Variants in TRAPPC9 observed in about 807,000 individuals in gnomAD.
TRAPPC9 encodes trafficking protein particle complex subunit 9.
A neutral mutation model predicts 124.0 loss-of-function variants in TRAPPC9; 83 were observed. That is an observed-to-expected ratio of 0.67 (90% CI 0.56 to 0.80). TRAPPC9 has a LOEUF of 0.80. TRAPPC9 is among the 30% of genes least tolerant of loss of function. TRAPPC9 has a pLI of 0.00. For synonymous variants in TRAPPC9, 638 were observed against 617.5 expected, an observed-to-expected ratio of 1.03 and a Z score of -0.49; for missense variants, 1,302 against 1,508.3, an observed-to-expected ratio of 0.86 and a Z score of 2.27.
At chr8:140,109,999 A>G (rs1466154484) in intron 17 of TRAPPC9, among the ~76,000 whole-genome samples, 1 of 152,100 alleles carries the variant, frequency 6.6e-6, no homozygotes, top group Non-Finnish European at 1.5e-5. Flanking sequence ...CTGTGTTCCA[A>G]GAGACAGACT....
chr8:140,291,150 T>A (rs753140872), intron 11 of TRAPPC9, 72 bp from the exon 12 acceptor site: 1 of 1,389,634 alleles, frequency 7.2e-7, no homozygotes, highest in South Asian at 1.2e-5. Flanking sequence ...TGGTTTCCAA[T>A]TATTCCTCTG....
At chr8:139,806,727 G>A (rs1367281316) in intron 21 of TRAPPC9, among the ~76,000 whole-genome samples, 3 of 152,238 alleles carry the variant, frequency 2.0e-5, no homozygotes, top group Non-Finnish European at 1.5e-5. Context: ...GTTGCTGGCA[G>A]TTAAGAACCC....
At chr8:140,070,954 G>T (rs527643743) in intron 17 of TRAPPC9, among the ~76,000 whole-genome samples, 1 of 152,202 alleles carries the variant, frequency 6.6e-6, no homozygotes, top group Non-Finnish European at 1.5e-5. Context: ...GAGGGACGGG[G>T]GGCCCAGGCC....
intron 17 of TRAPPC9, among the ~76,000 whole-genome samples, chr8:140,149,752 C>T (rs1346080504): frequency 1.3e-5 from 2 of 152,188 alleles, no homozygotes; most frequent in Admixed American, 6.5e-5. Context: ...TCATCATCCA[C>T]GGTTCCAGGC....
intron 17 of TRAPPC9, among the ~76,000 whole-genome samples, chr8:140,128,658 C>T (rs887280153): frequency 1.2e-4 from 19 of 152,204 alleles, no homozygotes; most frequent in Non-Finnish European, 8.8e-5. Flanking sequence ...ATCAGTGCTA[C>T]ACTTTTCAAG....
chr8:140,267,746 A>G (rs1048859840), intron 15 of TRAPPC9, among the ~76,000 whole-genome samples: 1 of 152,176 alleles, frequency 6.6e-6, no homozygotes, highest in African/African-American at 2.4e-5. Context: ...AGCTCACAGC[A>G]ACCTCTGCCT....
At chr8:140,074,832 C>G (rs1459674435) in intron 17 of TRAPPC9, among the ~76,000 whole-genome samples, 1 of 152,162 alleles carries the variant, frequency 6.6e-6, no homozygotes. Flanking sequence ...AGGAAGGGGT[C>G]AGAGGGCAGG....
intron 9 of TRAPPC9, among the ~76,000 whole-genome samples, chr8:140,354,564 T>G (rs1201013160): frequency 6.6e-6 from 1 of 152,188 alleles, no homozygotes; most frequent in African/African-American, 2.4e-5. Context: ...GATGCTGTCT[T>G]CAACTGCACA....
chr8:140,413,597 T>G (rs1275906226), intron 5 of TRAPPC9, among the ~76,000 whole-genome samples: 1 of 149,890 alleles, frequency 6.7e-6, no homozygotes, highest in Non-Finnish European at 1.5e-5. Flanking sequence ...GCCATGCTGG[T>G]GTACTGCACC....
intron 2 of TRAPPC9, among the ~76,000 whole-genome samples, chr8:140,444,069 G>T (rs1249171597): frequency 1.4e-5 from 2 of 147,344 alleles, no homozygotes. Context: ...AAGATTAGCC[G>T]GGCATGGTGG....
intron 21 of TRAPPC9, among the ~76,000 whole-genome samples, chr8:139,809,961 G>T (rs1392564864): frequency 6.6e-6 from 1 of 152,162 alleles, no homozygotes; most frequent in Non-Finnish European, 1.5e-5. Context: ...AGGTGCTAGA[G>T]GCACATCTGG....
chr8:140,213,435 A>G lies in TRAPPC9; in HGVS notation c.2556+8024T>C, dbSNP rs2063112378. The stretch of plus-strand genomic sequence containing the variant: ...TTAATTTGTGTCTTCTCTCTGATCA[A>G]TCTGGCTGGAAGCTGATGAATTTCA... On this transcript the variant is annotated intron_variant, in intron 17 of 22. Transcript: ENST00000438773. 2.0e-5 allele frequency among the ~76,000 whole-genome samples: 3 copies of G among 152,294 alleles called. 1 individual carries two copies. The South Asian group carries it at 6.2e-4, about 32-fold the overall frequency.
intron 17 of TRAPPC9, among the ~76,000 whole-genome samples, chr8:140,140,426 GTTTT>G (rs1022624911): frequency 6.6e-6 from 1 of 151,906 alleles, no homozygotes; most frequent in Non-Finnish European, 1.5e-5. Context: ...TTTTCGGTGG[GTTTT>G]TTTGTTTTTG....
At position 140,234,975 on chromosome 8, in the gene TRAPPC9, AT is replaced by A. The variant is rs796819243; in HGVS notation, c.2432-13393del. ...ATTAAGAAATCTAAGAAAATTTACA[AT>A]TTTTTTTTTCTGCGTTGGAGTTTCA... On this transcript the variant is annotated intron_variant, in intron 16 of 22. Coordinates refer to ENST00000438773, the MANE Select transcript of TRAPPC9 (RefSeq NM_001160372.4). 1.7e-3 allele frequency among the ~76,000 whole-genome samples: 262 copies of A among 151,186 alleles called. 1 individual carries two copies. The highest frequency in any genetic ancestry group is 5.6e-3 in the African/African-American group (232 of 41,242).
intron 21 of TRAPPC9, among the ~76,000 whole-genome samples, chr8:139,849,997 G>T (rs897494306): frequency 2.6e-5 from 4 of 151,916 alleles, no homozygotes; most frequent in Non-Finnish European, 5.9e-5. Flanking sequence ...ACCTCCCAGG[G>T]GCTCTCTGCT....
intron 11 of TRAPPC9, among the ~76,000 whole-genome samples, chr8:140,292,899 A>C (rs1229963383): frequency 1.4e-5 from 2 of 141,570 alleles, no homozygotes; most frequent in Admixed American, 1.4e-4. Flanking sequence ...TCTGCACAGC[A>C]AAAGAAACTA....
intron 19 of TRAPPC9, among the ~76,000 whole-genome samples, chr8:139,952,561 C>T (rs753421754): frequency 6.6e-6 from 1 of 152,184 alleles, no homozygotes; most frequent in Non-Finnish European, 1.5e-5. Context: ...GAACAAAGGC[C>T]TGGGCAAAGA....
chr8:140,359,458 C>A (rs2067866934), intron 9 of TRAPPC9, among the ~76,000 whole-genome samples: 1 of 152,160 alleles, frequency 6.6e-6, no homozygotes, highest in African/African-American at 2.4e-5. Context: ...AAGAAAGGAG[C>A]CCGGGAGAAA....
chr8:139,786,356 ACG>A (rs1453571901), intron 21 of TRAPPC9, among the ~76,000 whole-genome samples: 4 of 152,222 alleles, frequency 2.6e-5, no homozygotes, highest in Non-Finnish European at 5.9e-5. Flanking sequence ...CCACAGCGAG[ACG>A]CGAATTCACT....
Sources: allele counts gnomAD v4.1 joint callset (sites outside exome capture counted in the v4.1 genomes callset), GRCh38; gene constraint gnomAD v4.1.1; transcripts MANE v1.5; gene names NCBI Gene and HGNC (gene_info 2026-07-23, HGNC 2026-07-21).